THSD7A: variants seen among roughly 807,000 people sequenced by gnomAD.
THSD7A encodes thrombospondin type-1 domain-containing protein 7A.
In THSD7A, 96 loss-of-function variants were observed where a neutral mutation model predicts 231.3. That is an observed-to-expected ratio of 0.41 (90% confidence interval 0.35 to 0.49). The LOEUF (loss-of-function observed/expected upper bound fraction) is 0.49, where lower values mean the gene tolerates loss of function less well. Ranked by LOEUF, THSD7A falls within the 20% of genes least tolerant of loss-of-function variation. The pLI, the probability that THSD7A is intolerant of heterozygous loss-of-function variation, is 0.05. For missense variants in THSD7A, 2,290 were observed against 2,070.2 expected, an observed-to-expected ratio of 1.11 and a Z score of -2.06; for synonymous variants, 940 against 743.3, an observed-to-expected ratio of 1.26 and a Z score of -4.30.
In THSD7A at chr7:11,590,425, C is replaced by T. The variant is rs191989469; in HGVS notation, c.1453+35G>A. On this transcript the variant is annotated intron_variant, in intron 4 of 27. Transcript: ENST00000423059. This position sits in a 1 kb window ranked among gnomAD's most constrained non-coding sequence, Gnocchi z 4.4. ...AGCAATCACATGCTCAGTCAGTCTT[C>T]ATAAGTGAATCCTTGAGAAGAAAGC... The T allele has an allele frequency of 9.8e-5, 156 of 1,584,976 alleles. No homozygotes were observed. In the African/African-American group the frequency reaches 2.0e-3, roughly 21 times the overall value.
intron 13 of THSD7A, among the ~76,000 whole-genome samples, chr7:11,435,045 A>G (rs923407572): frequency 1.3e-5 from 2 of 152,098 alleles, no homozygotes; most frequent in Admixed American, 6.6e-5. Flanking sequence ...ATTTGAAAGC[A>G]TATGTATTCA....
In THSD7A at chr7:11,427,021, T is replaced by C. The variant is rs534503283; in HGVS notation, c.3244-350A>G. ...AATAACTTGTGATCCAACTTGTCAA[T>C]GTACTGTTGTCTATCAGTATATTTA... On this transcript the variant is annotated intron_variant, in intron 14 of 27. Transcript: ENST00000423059. Among the ~76,000 whole-genome samples, 7 of 152,322 alleles carry C rather than the reference T, an allele frequency of 4.6e-5. No homozygotes were observed. In the South Asian group the frequency reaches 1.4e-3, roughly 32 times the overall value.
At chr7:11,667,695 A>G (rs1306159301) in intron 1 of THSD7A, among the ~76,000 whole-genome samples, 1 of 152,180 alleles carries the variant, frequency 6.6e-6, no homozygotes, top group East Asian at 1.9e-4. Flanking sequence ...GGCTAGACAA[A>G]TAAGTAATGC....
intron 2 of THSD7A, among the ~76,000 whole-genome samples, chr7:11,620,487 G>T (rs1781267000): frequency 6.6e-6 from 1 of 152,084 alleles, no homozygotes; most frequent in Non-Finnish European, 1.5e-5. Context: ...TTATCAACAT[G>T]ATCATTTATA....
At chr7:11,388,322 C>A (rs1327584722) in intron 23 of THSD7A, among the ~76,000 whole-genome samples, 2 of 152,076 alleles carry the variant, frequency 1.3e-5, no homozygotes, top group Admixed American at 6.5e-5. Flanking sequence ...TCCATCTGGT[C>A]CTGGACTTTT....
At chr7:11,532,193 C>T (rs73068935) in intron 6 of THSD7A, among the ~76,000 whole-genome samples, 6,996 of 152,084 alleles carry the variant, frequency 0.046, 225 homozygotes, top group Middle Eastern at 0.12. Context: ...CAACTTAGGC[C>T]ATTCCACCCA....
chr7:11,754,958 A>C (rs1459881191), intron 1 of THSD7A, among the ~76,000 whole-genome samples: 2 of 152,102 alleles, frequency 1.3e-5, no homozygotes, highest in Non-Finnish European at 2.9e-5. Flanking sequence ...TGAGTAAAAA[A>C]AAGTTTATTC....
chr7:11,402,692 A>G (rs1783447522), intron 22 of THSD7A, among the ~76,000 whole-genome samples: 1 of 151,942 alleles, frequency 6.6e-6, no homozygotes, highest in Admixed American at 6.6e-5. Flanking sequence ...GGATCTCAAA[A>G]CCCTCCCTTG....
At chr7:11,615,169 T>C (rs899988822) in intron 2 of THSD7A, among the ~76,000 whole-genome samples, 2 of 152,152 alleles carry the variant, frequency 1.3e-5, no homozygotes, top group East Asian at 3.9e-4. Context: ...CTTCATAAGG[T>C]GTATGCAACT....
At chr7:11,493,844 T>C (rs1269666657) in intron 6 of THSD7A, among the ~76,000 whole-genome samples, 1 of 152,028 alleles carries the variant, frequency 6.6e-6, no homozygotes, top group Non-Finnish European at 1.5e-5. Context: ...ATGGTAGTGG[T>C]TGCCTAATAG....
At chr7:11,500,568 G>A (rs2128310142) in intron 6 of THSD7A, among the ~76,000 whole-genome samples, 1 of 152,100 alleles carries the variant, frequency 6.6e-6, no homozygotes, top group Non-Finnish European at 1.5e-5. Flanking sequence ...TCTTCAAGAG[G>A]CCCATTTCAG....
At chr7:11,804,300 G>A (rs1343409785) in intron 1 of THSD7A, among the ~76,000 whole-genome samples, 2 of 151,996 alleles carry the variant, frequency 1.3e-5, no homozygotes, top group African/African-American at 4.8e-5. Context: ...TTCTCTTACT[G>A]TGAGTTCTCT....
intron 1 of THSD7A, among the ~76,000 whole-genome samples, chr7:11,774,629 TTTGTATATA>T (rs1331083744): frequency 5.9e-5 from 9 of 152,194 alleles, no homozygotes; most frequent in Admixed American, 5.2e-4. Context: ...AAACTATCAA[TTTGTATATA>T]TTATGCGTGT....
chr7:11,787,767 G>T (rs1223680997), intron 1 of THSD7A, among the ~76,000 whole-genome samples: 2 of 152,046 alleles, frequency 1.3e-5, no homozygotes, highest in East Asian at 3.9e-4. Flanking sequence ...AGCTGGTAAG[G>T]ACGTAAAACA....
Position 11,813,964 on chromosome 7 carries a change from T to C in THSD7A, c.190+17793A>G, listed in dbSNP as rs183269122. On this transcript the variant is annotated intron_variant, in intron 1 of 27. Transcript: ENST00000423059. ...AGCTGAGGAATAAACAAAGGCAGTG[T>C]ATTTATCCAGTGGAATTCTAATACA... Among the ~76,000 whole-genome samples the C allele has an allele frequency of 3.9e-5, 6 of 152,256 alleles. No homozygotes were observed. In the East Asian group the frequency reaches 1.2e-3, roughly 29 times the overall value.
intron 2 of THSD7A, among the ~76,000 whole-genome samples, chr7:11,633,757 T>C (rs1186225235): frequency 2.0e-5 from 3 of 152,220 alleles, no homozygotes; most frequent in Non-Finnish European, 4.4e-5. Flanking sequence ...GGCAGATCCA[T>C]CATTGTTAAC....
In THSD7A at chr7:11,411,080, C is replaced by T. The variant is rs2115382493; in HGVS notation, c.3798+127G>A. ...GTGTCTTTTCAAGAACATACTTAGCCTGTGAACAGTGCAGAAAAACATCTG... is the reference window on the plus strand; with the variant it reads ...GTGTCTTTTCAAGAACATACTTAGCTTGTGAACAGTGCAGAAAAACATCTG... On this transcript the variant is annotated intron_variant, in intron 19 of 27. Coordinates refer to ENST00000423059, the MANE Select transcript of THSD7A (RefSeq NM_015204.3). This position sits in a 1 kb window ranked among gnomAD's most constrained non-coding sequence, Gnocchi z 4.1. 1.5e-6 allele frequency: 1 copy of T among 648,776 alleles called. No individual in the cohort carries two copies. The highest frequency in any genetic ancestry group is 2.8e-5 in the Admixed American group (1 of 35,914). 40.2% of individuals were successfully genotyped at this position (648,776 alleles called of 1,614,324 possible). A position where few individuals can be genotyped will look rare whatever the true frequency, so the allele number is the denominator to read the frequency against.
chr7:11,610,584 T>C (rs1386192882), intron 2 of THSD7A, among the ~76,000 whole-genome samples: 1 of 152,066 alleles, frequency 6.6e-6, no homozygotes, highest in African/African-American at 2.4e-5. Flanking sequence ...ATGAACACAA[T>C]TTGCCCAGTT....
chr7:11,788,645 C>T lies in THSD7A; in HGVS notation c.190+43112G>A, dbSNP rs116256417. Among the ~76,000 whole-genome samples, 752 of 152,160 alleles carry T rather than the reference C, an allele frequency of 4.9e-3. 5 individuals are homozygous for T. The highest frequency in any genetic ancestry group is 0.017 in the African/African-American group (692 of 41,524). On this transcript the variant is annotated intron_variant, in intron 1 of 27. Transcript: ENST00000423059. The stretch of plus-strand genomic sequence containing the variant: ...TCAACAAAGTCATTCAATGTAGAGA[C>T]GCTTCGGAGTGTAGCATAGAGTTGT...
Sources: gnomAD v4.1 joint callset for allele counts (sites outside exome capture counted in the v4.1 genomes callset) on GRCh38, gnomAD v4.1.1 for gene constraint, Gnocchi (gnomAD v3.1) non-coding constraint, MANE v1.5 for transcripts, NCBI Gene and HGNC (gene_info 2026-07-23, HGNC 2026-07-21) for gene names.